The following LARGE1 variants were observed in gnomAD, a reference collection of about 807,000 sequenced individuals.
The protein encoded by LARGE1 is xylosyl- and glucuronyltransferase LARGE1.
LARGE1 carries 43 observed loss-of-function variants against 87.6 expected under a neutral mutation model. The ratio of observed to expected loss-of-function variants is 0.49; its 90% CI spans 0.38 to 0.63. The LOEUF (loss-of-function observed/expected upper bound fraction) is 0.63, where lower values mean the gene tolerates loss of function less well. Among genes scored for constraint, LARGE1 ranks in the 30% least tolerant of loss-of-function variants. The probability of loss-of-function intolerance (pLI) is 0.00; values close to 1 mark genes in which losing one functional copy is unlikely to be tolerated. For missense variants in LARGE1, 802 were observed against 1,000.2 expected (o/e 0.80, Z 2.67); for synonymous variants, 434 against 394.6 (o/e 1.10, Z -1.18).
chr22:33,692,409 C>T (rs1178334654), intron 2 of LARGE1, among the ~76,000 whole-genome samples: 1 of 152,182 alleles, frequency 6.6e-6, no homozygotes, highest in African/African-American at 2.4e-5. Context: ...CTCCCAGGTT[C>T]AAGTGTTTCT....
Position 33,492,364 on chromosome 22 carries a change from T to A in LARGE1, c.788-60099A>T, listed in dbSNP as rs117549636. ...CATTGCCAGTGACACTTTTGCGTCT[T>A]TCAAGTGAAGGCAAAGGAGTGGGGG... On this transcript the variant is annotated intron_variant, in intron 6 of 14. Transcript: ENST00000397394. Among the ~76,000 whole-genome samples, 18 of 152,308 alleles carry A rather than the reference T, an allele frequency of 1.2e-4. No individual in the cohort carries two copies. The East Asian group carries it at 3.3e-3, about 28-fold the overall frequency.
At chr22:33,837,287 C>T (rs1448384581) in intron 1 of LARGE1, among the ~76,000 whole-genome samples, 1 of 151,206 alleles carries the variant, frequency 6.6e-6, no homozygotes, top group Non-Finnish European at 1.5e-5. Flanking sequence ...CACACCTATA[C>T]ATACATACAT....
At chr22:33,819,525 A>T (rs536512627) in intron 1 of LARGE1, among the ~76,000 whole-genome samples, 1 of 151,988 alleles carries the variant, frequency 6.6e-6, no homozygotes, top group Non-Finnish European at 1.5e-5. Context: ...CCTGATACCA[A>T]CAAACCTCCC....
intron 1 of LARGE1, among the ~76,000 whole-genome samples, chr22:33,780,512 C>T (rs2085385009): frequency 6.6e-6 from 1 of 152,182 alleles, no homozygotes; most frequent in Admixed American, 6.5e-5. Context: ...CAGGCCTCAA[C>T]AGTCTGAATG....
intron 9 of LARGE1, among the ~76,000 whole-genome samples, chr22:33,347,476 T>C (rs150697884): frequency 6.6e-6 from 1 of 152,344 alleles, no homozygotes; most frequent in East Asian, 1.9e-4. Context: ...AAAGCTCTAC[T>C]AATGTGGGAT....
chr22:33,637,580 A>G (rs2080305798), intron 3 of LARGE1, among the ~76,000 whole-genome samples: 1 of 139,834 alleles, frequency 7.2e-6, no homozygotes, highest in African/African-American at 2.8e-5. Flanking sequence ...GCTAGGTTAT[A>G]AAAGTCGTTG....
At chr22:33,517,725 T>C (rs935774208) in intron 6 of LARGE1, among the ~76,000 whole-genome samples, 9 of 152,194 alleles carry the variant, frequency 5.9e-5, no homozygotes, top group African/African-American at 1.9e-4. Flanking sequence ...ATACAACTTC[T>C]GAGAGAGTCT....
intron 2 of LARGE1, among the ~76,000 whole-genome samples, chr22:33,667,576 T>C (rs1041792645): frequency 6.6e-6 from 1 of 152,178 alleles, no homozygotes; most frequent in Non-Finnish European, 1.5e-5. Flanking sequence ...CCTAAAAGTA[T>C]ACTTAAAACA....
At chr22:33,355,405 G>A (rs184329811) in intron 9 of LARGE1, among the ~76,000 whole-genome samples, 3 of 152,204 alleles carry the variant, frequency 2.0e-5, no homozygotes, top group Non-Finnish European at 4.4e-5. Flanking sequence ...TGCATACAAC[G>A]GGCACTCAAT....
At chr22:33,621,292 G>C (rs541019827) in intron 4 of LARGE1, among the ~76,000 whole-genome samples, 1 of 152,012 alleles carries the variant, frequency 6.6e-6, no homozygotes, top group African/African-American at 2.4e-5. Context: ...GAGTCCCTAC[G>C]GTGGTCATAC....
chr22:33,373,090 G>A (rs1363742057), intron 9 of LARGE1, among the ~76,000 whole-genome samples: 1 of 152,208 alleles, frequency 6.6e-6, no homozygotes, highest in Non-Finnish European at 1.5e-5. Flanking sequence ...AAAGGTCTGA[G>A]TAAGTCACGA....
chr22:33,778,176 A>G (rs915302068), intron 1 of LARGE1, among the ~76,000 whole-genome samples: 1 of 152,188 alleles, frequency 6.6e-6, no homozygotes, highest in African/African-American at 2.4e-5. Context: ...AAGTCTCTAT[A>G]AGGATAAAGC....
intron 3 of LARGE1, among the ~76,000 whole-genome samples, chr22:33,646,541 G>GTA (rs2080619103): frequency 6.6e-6 from 1 of 151,550 alleles, no homozygotes; most frequent in Admixed American, 6.6e-5. Flanking sequence ...CATGGCACAT[G>GTA]TATACCTATG....
At chr22:33,697,449 C>A (rs76250018) in intron 2 of LARGE1, among the ~76,000 whole-genome samples, 3 of 140,398 alleles carry the variant, frequency 2.1e-5, no homozygotes, top group Non-Finnish European at 4.5e-5. Context: ...ACAATCCCAG[C>A]ACTTTGGGAG....
intron 6 of LARGE1, among the ~76,000 whole-genome samples, chr22:33,480,099 G>A (rs1428281181): frequency 6.6e-6 from 1 of 152,134 alleles, no homozygotes; most frequent in African/African-American, 2.4e-5. Flanking sequence ...ACATCAAGAC[G>A]CTGACCCTGC....
the LARGE1 span, among the ~76,000 whole-genome samples, chr22:33,114,011 C>T: frequency 8.4e-4 from 128 of 151,834 alleles, no homozygotes; most frequent in Non-Finnish European, 1.6e-3. Context: ...GCTGGGATTA[C>T]AGACACACAG....
chr22:33,862,659 G>A lies in LARGE1; in HGVS notation c.-83+57336C>T, dbSNP rs531175633. Among the ~76,000 whole-genome samples, 4 of 152,302 alleles carry A rather than the reference G, an allele frequency of 2.6e-5. No homozygotes were observed. The South Asian group carries it at 8.3e-4, about 32-fold the overall frequency. ...AGTGTGGGGACACAGAGGCTAGATA[G>A]GCCTGGGTTCAAATCCCAGCTCTGT... On this transcript the variant is annotated intron_variant, in intron 1 of 14. Transcript: ENST00000397394.
At chr22:33,849,592 CTTTTTTT>C (rs71187287) in intron 1 of LARGE1, among the ~76,000 whole-genome samples, 73 of 88,596 alleles carry the variant, frequency 8.2e-4, no homozygotes, top group South Asian at 2.6e-3. Context: ...CTTTTCTTCT[CTTTTTTT>C]TTTTTTTTTT....
intron 1 of LARGE1, among the ~76,000 whole-genome samples, chr22:33,802,671 C>T (rs2086195996): frequency 6.6e-6 from 1 of 152,192 alleles, no homozygotes; most frequent in Non-Finnish European, 1.5e-5. Flanking sequence ...CCTCTCCCCA[C>T]TCAACCCACC....
Sources: gnomAD v4.1 joint callset for allele counts (sites outside exome capture counted in the v4.1 genomes callset) on GRCh38, gnomAD v4.1.1 for gene constraint, MANE v1.5 for transcripts, NCBI Gene and HGNC (gene_info 2026-07-23, HGNC 2026-07-21) for gene names.